RARB: variants seen among roughly 807,000 people sequenced by gnomAD.
RARB encodes HBV-activated protein.
In RARB, 17 loss-of-function variants were observed where a neutral mutation model predicts 51.9. The observed-to-expected ratio is 0.33, with a 90% CI of 0.22 to 0.49. RARB has a LOEUF of 0.49. Among genes scored for constraint, RARB ranks in the 20% least tolerant of loss-of-function variants. The probability of loss-of-function intolerance (pLI) is 0.99; values close to 1 mark genes in which losing one functional copy is unlikely to be tolerated. For missense variants in RARB, 369 were observed against 550.8 expected, an observed-to-expected ratio of 0.67 and a Z score of 3.30; for synonymous variants, 215 against 195.4, an observed-to-expected ratio of 1.10 and a Z score of -0.84.
At chr3:25,136,050 C>G (rs1343772379) in intron 4 of RARB, among the ~76,000 whole-genome samples, 1 of 151,926 alleles carries the variant, frequency 6.6e-6, no homozygotes, top group African/African-American at 2.4e-5. Flanking sequence ...CTGACCCAAC[C>G]TTCTTGGGTC....
At chr3:24,904,145 G>C (rs546875876) in intron 2 of RARB, among the ~76,000 whole-genome samples, 1 of 152,274 alleles carries the variant, frequency 6.6e-6, no homozygotes, top group East Asian at 1.9e-4. Flanking sequence ...ACCAACCAGG[G>C]TCTACAGTTG....
At chr3:25,280,564 C>T (rs557395744) in intron 5 of RARB, among the ~76,000 whole-genome samples, 4 of 152,196 alleles carry the variant, frequency 2.6e-5, no homozygotes, top group East Asian at 1.9e-4. Flanking sequence ...TATTGGGTGT[C>T]AAATAATTTT....
chr3:25,194,436 T>A (rs1367868739), intron 5 of RARB, among the ~76,000 whole-genome samples: 3 of 151,410 alleles, frequency 2.0e-5, no homozygotes, highest in African/African-American at 7.3e-5. Context: ...TAGCATAATT[T>A]GCTTGACAGT....
At chr3:25,227,637 T>C (rs1036430235) in intron 5 of RARB, among the ~76,000 whole-genome samples, 11 of 152,172 alleles carry the variant, frequency 7.2e-5, no homozygotes, top group African/African-American at 2.4e-4. Flanking sequence ...AACTATATTA[T>C]GTTTGCTGTA....
At chr3:24,986,401 T>C (rs986780778) in intron 2 of RARB, among the ~76,000 whole-genome samples, 3 of 152,314 alleles carry the variant, frequency 2.0e-5, no homozygotes, top group Non-Finnish European at 4.4e-5. Flanking sequence ...ATCTGGAAGA[T>C]AAAAATTATT....
intron 1 of RARB, among the ~76,000 whole-genome samples, chr3:24,829,900 G>T (rs923271671): frequency 4.6e-5 from 7 of 152,220 alleles, no homozygotes; most frequent in Admixed American, 2.0e-4. Context: ...AGAGGTTCTC[G>T]CTCCATTCCC....
intron 2 of RARB, among the ~76,000 whole-genome samples, chr3:25,054,994 T>A (rs1303797407): frequency 6.6e-6 from 1 of 152,170 alleles, no homozygotes; most frequent in African/African-American, 2.4e-5. Context: ...CATGTAGATA[T>A]AATGTACTGT....
At chr3:25,157,068 A>G (rs570596785) in intron 4 of RARB, among the ~76,000 whole-genome samples, 1 of 152,230 alleles carries the variant, frequency 6.6e-6, no homozygotes, top group South Asian at 2.1e-4. Flanking sequence ...TTTGACTTCT[A>G]AAAAAGGATG....
intron 2 of RARB, among the ~76,000 whole-genome samples, chr3:25,491,496 A>G (rs568473248): frequency 2.6e-5 from 4 of 152,138 alleles, no homozygotes; most frequent in Non-Finnish European, 4.4e-5. Flanking sequence ...AAGAGAAGAG[A>G]GACTATCCGA....
At chr3:25,034,833 T>C (rs79543019) in intron 2 of RARB, among the ~76,000 whole-genome samples, 15,138 of 152,218 alleles carry the variant, frequency 0.099, 850 homozygotes, top group Non-Finnish European at 0.11. Flanking sequence ...CAGTGTCTCT[T>C]GGAAATTCAG....
At chr3:25,350,381 A>G (rs2125456809) in intron 5 of RARB, among the ~76,000 whole-genome samples, 1 of 152,332 alleles carries the variant, frequency 6.6e-6, no homozygotes, top group South Asian at 2.1e-4. Context: ...CTCAGGATGA[A>G]CAATAGTGCT....
exon 1 of RARB, among the ~76,000 whole-genome samples, chr3:24,829,385 C>A (rs931632424): frequency 6.6e-6 from 1 of 152,084 alleles, no homozygotes; most frequent in Non-Finnish European, 1.5e-5. Flanking sequence ...CCGCGGACTC[C>A]AAGGCAGCCC....
chr3:25,240,019 T>A (rs1002712955), intron 5 of RARB, among the ~76,000 whole-genome samples: 1 of 151,956 alleles, frequency 6.6e-6, no homozygotes. Context: ...TTGGTTAAAT[T>A]TTTTCCTAGG....
chr3:25,504,016 G>C (rs4470477), intron 3 of RARB, among the ~76,000 whole-genome samples: 1 of 152,078 alleles, frequency 6.6e-6, no homozygotes, highest in East Asian at 1.9e-4. Flanking sequence ...CTGAAGTAGC[G>C]AGATTAGCAA....
Position 25,597,231 on chromosome 3 carries a change from A to T in RARB, c.*615A>T, listed in dbSNP as rs1156290644. The T allele has an allele frequency of 6.6e-6, 1 of 152,642 alleles. No individual in the cohort carries two copies. Among genetic ancestry groups the T allele is most frequent in the Non-Finnish European group, 1.5e-5 (1 of 68,048 alleles). 9.5% of individuals were successfully genotyped at this position (152,642 alleles called of 1,614,324 possible). A position where few individuals can be genotyped will look rare whatever the true frequency, so the allele number is the denominator to read the frequency against. On this transcript the variant is annotated 3_prime_UTR_variant, in exon 8 of 8. Coordinates refer to ENST00000330688, the MANE Select transcript of RARB (RefSeq NM_000965.5). ...TGTCTTTGCTCTTTCTGATGCTCTC[A>T]AACTGCATCTTTTATTTCATGTTGC...
intron 2 of RARB, among the ~76,000 whole-genome samples, chr3:24,865,892 A>G (rs1702838973): frequency 6.6e-6 from 1 of 152,030 alleles, no homozygotes; most frequent in Admixed American, 6.6e-5. Flanking sequence ...TTTTTTTCAA[A>G]CACTTGTGAA....
chr3:25,183,780 T>A (rs541018179), intron 5 of RARB, among the ~76,000 whole-genome samples: 1 of 152,318 alleles, frequency 6.6e-6, no homozygotes, highest in African/African-American at 2.4e-5. Flanking sequence ...ACAGTCAAAT[T>A]GTAACGATTC....
chr3:25,530,584 A>T (rs115655123), intron 3 of RARB, among the ~76,000 whole-genome samples: 1,920 of 152,354 alleles, frequency 0.013, 29 homozygotes, highest in South Asian at 0.069. Context: ...AGCCATGGCC[A>T]GAGTCTTTCT....
chr3:24,882,570 G>A (rs1703188350), intron 2 of RARB, among the ~76,000 whole-genome samples: 1 of 152,148 alleles, frequency 6.6e-6, no homozygotes, highest in South Asian at 2.1e-4. Flanking sequence ...TGTCATCTAT[G>A]GGACCATAAT....
Sources: allele counts gnomAD v4.1 joint callset (sites outside exome capture counted in the v4.1 genomes callset), GRCh38; gene constraint gnomAD v4.1.1; transcripts MANE v1.5; gene names NCBI Gene and HGNC (gene_info 2026-07-23, HGNC 2026-07-21).